The following DNAAF9 variants were observed in gnomAD, a reference collection of about 807,000 sequenced individuals.
DNAAF9 encodes the protein dynein axonemal assembly factor 9.
In DNAAF9, 90 loss-of-function variants were observed where a neutral mutation model predicts 167.0. That is an observed-to-expected ratio of 0.54 (90% CI 0.45 to 0.64). The LOEUF (loss-of-function observed/expected upper bound fraction) is 0.64, where lower values mean the gene tolerates loss of function less well. Among genes scored for constraint, DNAAF9 ranks in the 30% least tolerant of loss-of-function variants. DNAAF9 has a pLI of 0.00. For synonymous variants in DNAAF9, 491 were observed against 508.8 expected, an observed-to-expected ratio of 0.96 and a Z score of 0.47; for missense variants, 1,315 against 1,442.2, an observed-to-expected ratio of 0.91 and a Z score of 1.43.
At chr20:3,356,357 T>G (rs1209319280) in intron 7 of DNAAF9, among the ~76,000 whole-genome samples, 1 of 152,200 alleles carries the variant, frequency 6.6e-6, no homozygotes, top group African/African-American at 2.4e-5. Context: ...AGATCTGAAC[T>G]TTTAAATAGC....
At chr20:3,308,218 C>T (rs143636463) in intron 20 of DNAAF9, among the ~76,000 whole-genome samples, 1 of 152,134 alleles carries the variant, frequency 6.6e-6, no homozygotes, top group East Asian at 1.9e-4. Flanking sequence ...AAATGAAATC[C>T]TAATCATGTA....
At chr20:3,306,890 C>G in intron 20 of DNAAF9, 10 of 985,040 alleles carry the variant, frequency 1.0e-5, no homozygotes, top group Non-Finnish European at 1.2e-5. Context: ...TTACTGTTTC[C>G]AGAGATAAGA....
chr20:3,312,082 A>G (rs893499419), intron 20 of DNAAF9, among the ~76,000 whole-genome samples: 2 of 151,066 alleles, frequency 1.3e-5, no homozygotes, highest in African/African-American at 4.9e-5. Context: ...TCTGCCTCCC[A>G]GGTTCAAGCG....
chr20:3,338,168 ATT>A (rs1279378959), intron 10 of DNAAF9, among the ~76,000 whole-genome samples: 1 of 151,620 alleles, frequency 6.6e-6, no homozygotes, highest in Non-Finnish European at 1.5e-5. Context: ...GATAAATTCA[ATT>A]TTTTTGTTTG....
intron 6 of DNAAF9, among the ~76,000 whole-genome samples, chr20:3,371,534 G>A (rs977200417): frequency 1.3e-4 from 19 of 151,528 alleles, no homozygotes; most frequent in Admixed American, 3.9e-4. Flanking sequence ...TAGTAGAGAC[G>A]GGGTTTCACC....
chr20:3,290,124 C>T lies in DNAAF9; in HGVS notation c.2327+5G>A, dbSNP rs768163863. The T allele has an allele frequency of 9.4e-6, 15 of 1,595,584 alleles. No homozygotes were observed. On this transcript the variant is annotated splice_donor_5th_base_variant and intron_variant, in intron 26 of 36. Transcript: ENST00000252032. ...CCCCAAAGCAAAGGCATCAGCCATA[C>T]TAACCTGCCACATTCCTTATGCAGA...
chr20:3,373,231 T>C (rs2083533097), intron 6 of DNAAF9, among the ~76,000 whole-genome samples: 1 of 152,182 alleles, frequency 6.6e-6, no homozygotes, highest in African/African-American at 2.4e-5. Context: ...CTCAGAGGGG[T>C]AGAAATTAGC....
intron 26 of DNAAF9, among the ~76,000 whole-genome samples, chr20:3,289,043 C>T (rs555154395): frequency 1.3e-5 from 2 of 152,262 alleles, no homozygotes; most frequent in African/African-American, 4.8e-5. Flanking sequence ...CCCAGACCAT[C>T]CAATTTAAAA....
In DNAAF9 at chr20:3,290,142, T is replaced by C. The variant is rs1568581467; in HGVS notation, c.2314A>G (p.Lys772Glu). 6 of 1,609,686 alleles carry C rather than the reference T, an allele frequency of 3.7e-6. No individual in the cohort carries two copies. The highest frequency in any genetic ancestry group is 4.3e-6 in the Non-Finnish European group (5 of 1,176,032). Residue 772 changes from lysine to glutamate, a missense_variant, in exon 26 of 37, where the codon AAG becomes GAG. Transcript: ENST00000252032. ...AGCCATACTAACCTGCCACATTCCT[T>C]ATGCAGAGTGACCAGAAAAGCACAG... is the stretch of plus-strand genomic sequence containing the variant. ...ELCAFLVTLH[K>E]ECGRWMVYRQ... is the part of the protein sequence containing the mutation.
At chr20:3,266,058 T>TA (rs1369622600) in intron 30 of DNAAF9, among the ~76,000 whole-genome samples, 1 of 152,196 alleles carries the variant, frequency 6.6e-6, no homozygotes, top group Non-Finnish European at 1.5e-5. Flanking sequence ...ATGGTGTTGA[T>TA]ATTTGAGAGT....
At chr20:3,374,585 A>G (rs2083551042) in intron 5 of DNAAF9, among the ~76,000 whole-genome samples, 1 of 152,222 alleles carries the variant, frequency 6.6e-6, no homozygotes, top group African/African-American at 2.4e-5. Flanking sequence ...AATAGCTTCA[A>G]TGTGCAAGGT....
rs577833636 is a variant in DNAAF9 at position 3,268,277 on chromosome 20, C to T, written c.2786+2150G>A. On this transcript the variant is annotated intron_variant, in intron 30 of 36. Coordinates refer to ENST00000252032, the MANE Select transcript of DNAAF9 (RefSeq NM_001009984.3). Reference sequence around the variant, plus strand: ...CTTGAACTCCTGACCTCAGGTGATACGCCCGCCTCGCCCTCCCAAAGTGTT... The same window carrying T: ...CTTGAACTCCTGACCTCAGGTGATATGCCCGCCTCGCCCTCCCAAAGTGTT... Among the ~76,000 whole-genome samples, 238 of 151,592 alleles carry T rather than the reference C, an allele frequency of 1.6e-3. 1 individual carries two copies. The highest frequency in any genetic ancestry group is 1.9e-3 in the Admixed American group (29 of 15,248).
In DNAAF9 at chr20:3,346,166, T is replaced by C. The variant is rs80260280; in HGVS notation, c.789+2359A>G. ...ATTTTTAAAGTATGACAATACATTC[T>C]ATTGGTGAAGTTGTGCAGCAACAGG... On this transcript the variant is annotated intron_variant, in intron 8 of 36. Coordinates refer to ENST00000252032, the MANE Select transcript of DNAAF9 (RefSeq NM_001009984.3). 1.9e-3 allele frequency among the ~76,000 whole-genome samples: 284 copies of C among 152,364 alleles called. 1 individual carries two copies. Among genetic ancestry groups the C allele is most frequent in the Middle Eastern group, 6.8e-3 (2 of 294 alleles).
chr20:3,266,285 T>G (rs1203198416), intron 30 of DNAAF9, among the ~76,000 whole-genome samples: 1 of 152,230 alleles, frequency 6.6e-6, no homozygotes, highest in Non-Finnish European at 1.5e-5. Context: ...CTTTCCATTG[T>G]AAGGTATTTT....
Position 3,290,202 on chromosome 20 carries a change from C to T in DNAAF9, c.2254G>A (p.Val752Ile). 1 of 1,609,058 alleles carries T rather than the reference C, an allele frequency of 6.2e-7. No homozygotes were observed. Among genetic ancestry groups the T allele is most frequent in the East Asian group, 2.2e-5 (1 of 44,860 alleles). Residue 752 changes from valine to isoleucine, a missense_variant, in exon 26 of 37, where the codon GTA becomes ATA. This residue lies in a region of DNAAF9 where 981 missense variants were observed against 1,012.5 expected (regional missense o/e 0.97). Transcript: ENST00000252032. Reference protein sequence around the residue: ...IESDKVIISIVTGLPGCHASE... With the variant: ...IESDKVIISIITGLPGCHASE... ...GCGTGACAGCCTGGGAGGCCGGTTACAATGCTGATAATTACCTACATGAAG... is the reference window on the plus strand; with the variant it reads ...GCGTGACAGCCTGGGAGGCCGGTTATAATGCTGATAATTACCTACATGAAG...
intron 29 of DNAAF9, among the ~76,000 whole-genome samples, chr20:3,276,751 G>T (rs1022029869): frequency 2.6e-5 from 4 of 152,154 alleles, no homozygotes; most frequent in Non-Finnish European, 5.9e-5. Context: ...GTGGACAAGG[G>T]GCTCTGAAAG....
chr20:3,266,547 G>A (rs539127263), intron 30 of DNAAF9, among the ~76,000 whole-genome samples: 4 of 152,074 alleles, frequency 2.6e-5, no homozygotes, highest in African/African-American at 9.6e-5. Flanking sequence ...GCGCGGTCTC[G>A]GCCCACTGCA....
intron 1 of DNAAF9, among the ~76,000 whole-genome samples, chr20:3,392,085 G>A (rs1313490133): frequency 6.6e-6 from 1 of 152,124 alleles, no homozygotes; most frequent in Non-Finnish European, 1.5e-5. Flanking sequence ...GAGGTGGGGG[G>A]ATCACTTGAG....
At chr20:3,311,902 T>C (rs1386194091) in intron 20 of DNAAF9, among the ~76,000 whole-genome samples, 1 of 152,162 alleles carries the variant, frequency 6.6e-6, no homozygotes. Context: ...CATCTTGTGA[T>C]AGCAGACACC....
Sources: gnomAD v4.1 joint callset for allele counts (sites outside exome capture counted in the v4.1 genomes callset) on GRCh38, gnomAD v4.1.1 for gene constraint, gnomAD v4.1.1 regional missense constraint, MANE v1.5 for transcripts, NCBI Gene and HGNC (gene_info 2026-07-23, HGNC 2026-07-21) for gene names.